ACOT1: variants seen among roughly 807,000 people sequenced by gnomAD.
The protein encoded by ACOT1 is acyl-CoA thioesterase 1.
In ACOT1, 8 loss-of-function variants were observed where a neutral mutation model predicts 15.7. The observed-to-expected ratio is 0.51, with a 90% confidence interval of 0.30 to 0.92. The LOEUF is 0.92. Ranked by LOEUF, ACOT1 falls within the 40% of genes least tolerant of loss-of-function variation. The pLI is 0.06. For synonymous variants in ACOT1, 67 were observed against 241.2 expected, an observed-to-expected ratio of 0.28 and a Z score of 6.69; for missense variants, 151 against 539.4, an observed-to-expected ratio of 0.28 and a Z score of 7.13.
At chr14:73,523,746 T>G in the ACOT1 span, among the ~76,000 whole-genome samples, 1 of 152,142 alleles carries the variant, frequency 6.6e-6, no homozygotes, top group Admixed American at 6.6e-5. Context: ...TTCTATCCAA[T>G]TTCCAGGCCC....
the ACOT1 span, among the ~76,000 whole-genome samples, chr14:73,525,018 GT>G: frequency 1.3e-5 from 2 of 151,612 alleles, no homozygotes; most frequent in Non-Finnish European, 2.9e-5. Context: ...TTTTTTGTGT[GT>G]TTTTTTTCTT....
At chr14:73,496,182 T>G in the ACOT1 span, among the ~76,000 whole-genome samples, 1 of 152,100 alleles carries the variant, frequency 6.6e-6, no homozygotes. Flanking sequence ...GAGATTTTCT[T>G]TGGTGAGAAA....
At chr14:73,516,714 G>T in the ACOT1 span, among the ~76,000 whole-genome samples, 1 of 152,152 alleles carries the variant, frequency 6.6e-6, no homozygotes, top group African/African-American at 2.4e-5. Context: ...GTGAGTGGTG[G>T]GTGGGCAAGC....
chr14:73,498,336 G>A, the ACOT1 span: 2 of 1,598,478 alleles, frequency 1.3e-6, no homozygotes, highest in Non-Finnish European at 1.7e-6. Flanking sequence ...TGCCCAATCT[G>A]TCCCAAAGCT....
chr14:73,507,958 C>A, the ACOT1 span, among the ~76,000 whole-genome samples: 1 of 152,216 alleles, frequency 6.6e-6, no homozygotes, highest in Non-Finnish European at 1.5e-5. Context: ...GTTGGCCAGT[C>A]TGGTCTCGAA....
chr14:73,523,438 C>G, the ACOT1 span, among the ~76,000 whole-genome samples: 1 of 152,212 alleles, frequency 6.6e-6, no homozygotes, highest in Non-Finnish European at 1.5e-5. Flanking sequence ...GTTCCCAAAG[C>G]TCAGACCCTC....
chr14:73,492,224 T>A, the ACOT1 span: 1 of 1,614,008 alleles, frequency 6.2e-7, no homozygotes, highest in Non-Finnish European at 8.5e-7. The surrounding 1 kb of genome is among the most constrained non-coding windows in gnomAD (Gnocchi z 4.9). Flanking sequence ...TCCTCGGGGC[T>A]TCATTCACCA....
the ACOT1 span, chr14:73,495,470 G>C: frequency 8.7e-7 from 1 of 1,152,048 alleles, no homozygotes; most frequent in Middle Eastern, 2.0e-4. Flanking sequence ...TTAATAAAGT[G>C]ATTGTAGGAG....
At chr14:73,536,516 T>TAAAA (rs543491523), upstream of ACOT1, among the ~76,000 whole-genome samples, 23 of 59,334 alleles carry the variant, frequency 3.9e-4, 1 homozygote, top group South Asian at 1.4e-3. Context: ...CCTGTCTCTT[T>TAAAA]AAAAAAAAAA....
At chr14:73,522,977 C>G in the ACOT1 span, 1 of 1,614,084 alleles carries the variant, frequency 6.2e-7, no homozygotes, top group African/African-American at 1.3e-5. Context: ...TTGGCTCTTG[C>G]GGTGTAGACG....
At chr14:73,508,199 T>C in the ACOT1 span, 1 of 1,614,082 alleles carries the variant, frequency 6.2e-7, no homozygotes, top group Non-Finnish European at 8.5e-7. Context: ...TTCTTCTTTG[T>C]AAACAGCTGG....
At chr14:73,518,258 G>A in the ACOT1 span, among the ~76,000 whole-genome samples, 12 of 152,054 alleles carry the variant, frequency 7.9e-5, no homozygotes, top group Admixed American at 5.2e-4. Context: ...AACCCTGTCA[G>A]CCAGGTGTGG....
chr14:73,500,793 CCACTAATGCCCT>C, the ACOT1 span: 1 of 1,452,462 alleles, frequency 6.9e-7, no homozygotes, highest in Non-Finnish European at 9.5e-7. Context: ...CCCCCAACCC[CCACTAATGCCCT>C]CATGATAAAA....
the ACOT1 span, among the ~76,000 whole-genome samples, chr14:73,525,645 C>T: frequency 2.0e-5 from 3 of 152,168 alleles, no homozygotes; most frequent in Admixed American, 2.0e-4. Context: ...AACTGAACAA[C>T]TGTCCCCACA....
chr14:73,536,765 TAAG>T (rs542952907), upstream of ACOT1, among the ~76,000 whole-genome samples: 122 of 113,926 alleles, frequency 1.1e-3, 28 homozygotes, highest in African/African-American at 3.1e-3. Flanking sequence ...ACACAGCTAG[TAAG>T]AAGCCAGCAC....
At chr14:73,503,810 G>A in the ACOT1 span, among the ~76,000 whole-genome samples, 3 of 152,062 alleles carry the variant, frequency 2.0e-5, no homozygotes, top group Non-Finnish European at 2.9e-5. Context: ...CTAGTGCGTC[G>A]GATGTGGTCA....
chr14:73,509,307 C>T, the ACOT1 span: 9 of 1,613,188 alleles, frequency 5.6e-6, no homozygotes, highest in Admixed American at 1.3e-4. Context: ...CAGGGAGTTA[C>T]TCACCCTTCA....
At chr14:73,504,763 C>T in the ACOT1 span, among the ~76,000 whole-genome samples, 27 of 152,184 alleles carry the variant, frequency 1.8e-4, no homozygotes, top group East Asian at 3.5e-3. Flanking sequence ...ATGTTCTGGG[C>T]TATTCTGGAG....
At chr14:73,506,816 T>TTTTTTTTTTTTTTTTTTTTG in the ACOT1 span, among the ~76,000 whole-genome samples, 1 of 136,174 alleles carries the variant, frequency 7.3e-6, no homozygotes, top group Admixed American at 7.3e-5. Context: ...TTTTTTTTTT[T>TTTTTTTTTTTTTTTTTTTTG]TTTTTTTTTC....
Sources: allele counts gnomAD v4.1 joint callset (sites outside exome capture counted in the v4.1 genomes callset), GRCh38; gene constraint gnomAD v4.1.1; non-coding constraint Gnocchi (gnomAD v3.1); transcripts MANE v1.5; gene names NCBI Gene and HGNC (gene_info 2026-07-23, HGNC 2026-07-21).